The following CYP2C19 variants were observed in gnomAD, a reference collection of about 807,000 sequenced individuals.
The protein encoded by CYP2C19 is cytochrome P450 family 2 subfamily C member 19.
CYP2C19 carries 59 observed loss-of-function variants against 40.9 expected under a neutral mutation model. The observed-to-expected ratio is 1.44, with a 90% CI of 1.17 to 1.79. CYP2C19 has a LOEUF of 1.79. CYP2C19 is among the 40% of genes most tolerant of loss of function. The pLI is 0.00. For missense variants in CYP2C19, 754 were observed against 596.9 expected, an observed-to-expected ratio of 1.26 and a Z score of -2.74; for synonymous variants, 253 against 208.7, an observed-to-expected ratio of 1.21 and a Z score of -1.83.
chr10:94,838,632 T>C (rs575308639), intron 6 of CYP2C19, among the ~76,000 whole-genome samples: 29 of 152,222 alleles, frequency 1.9e-4, no homozygotes, highest in Non-Finnish European at 3.4e-4. Flanking sequence ...TATCTATCTC[T>C]TTTTGGACGG....
intron 5 of CYP2C19, among the ~76,000 whole-genome samples, chr10:94,819,465 AG>A (rs1849075685): frequency 1.5e-5 from 1 of 67,576 alleles, no homozygotes; most frequent in Non-Finnish European, 2.7e-5. Flanking sequence ...GTTTTTTGAA[AG>A]GATCAACAAA....
At chr10:94,769,004 G>A (rs898209743) in intron 1 of CYP2C19, among the ~76,000 whole-genome samples, 6 of 152,140 alleles carry the variant, frequency 3.9e-5, no homozygotes, top group Non-Finnish European at 8.8e-5. Flanking sequence ...GTTGGCAAAA[G>A]TCGGTGATTC....
intron 1 of CYP2C19, 83 bp downstream of exon 1, chr10:94,762,956 A>G: frequency 1.5e-6 from 2 of 1,378,740 alleles, no homozygotes; most frequent in East Asian, 2.3e-5. Context: ...TAGAGGTACA[A>G]TGTTACAAGA....
chr10:94,780,742 C>A lies in CYP2C19; in HGVS notation c.642+83C>A, dbSNP rs928523662. ...TCCAAAATTCTATATTGACCAAGCC[C>A]TGAAGTACATTTTTGAATACTACAG... is the stretch of plus-strand genomic sequence containing the variant. On this transcript the variant is annotated intron_variant, in intron 4 of 8. Coordinates refer to ENST00000371321, the MANE Select transcript of CYP2C19 (RefSeq NM_000769.4). 4 of 1,487,482 alleles carry A rather than the reference C, an allele frequency of 2.7e-6. No individual in the cohort carries two copies. In the African/African-American group the frequency reaches 5.6e-5, roughly 21 times the overall value. The allele number at this position is 1,487,482 out of a possible 1,614,324, so 92.1% of individuals were successfully genotyped here.
chr10:94,789,986 T>A (rs1053806991), intron 5 of CYP2C19, among the ~76,000 whole-genome samples: 6 of 152,180 alleles, frequency 3.9e-5, no homozygotes, highest in Non-Finnish European at 8.8e-5. Context: ...GCATGGAATG[T>A]TCTTGCATTT....
At chr10:94,816,901 T>C (rs1233643434) in intron 5 of CYP2C19, among the ~76,000 whole-genome samples, 78 of 145,320 alleles carry the variant, frequency 5.4e-4, no homozygotes, top group Admixed American at 4.3e-3. Flanking sequence ...CTACAAAGGA[T>C]ATGAACTCAT....
rs192913870 is a variant in CYP2C19, at chr10:94,805,176, A to T, written c.820-15320A>T. 6.6e-5 allele frequency among the ~76,000 whole-genome samples: 10 copies of T among 152,142 alleles called. No homozygotes were observed. The South Asian group carries it at 8.3e-4, about 13-fold the overall frequency. Reference sequence around the variant, plus strand: ...ATAAGACTTTAGCCTTTCAAAATTTAGTATGCCTTAGCTTTGCAGTTTTCA... The same window carrying T: ...ATAAGACTTTAGCCTTTCAAAATTTTGTATGCCTTAGCTTTGCAGTTTTCA... On this transcript the variant is annotated intron_variant, in intron 5 of 8. Transcript: ENST00000371321.
At chr10:94,830,070 G>C (rs1030842644) in intron 6 of CYP2C19, among the ~76,000 whole-genome samples, 9 of 152,190 alleles carry the variant, frequency 5.9e-5, no homozygotes, top group Admixed American at 2.0e-4. Flanking sequence ...CTGTCAGACA[G>C]GGACATTTAA....
chr10:94,808,298 G>A (rs1848863915), intron 5 of CYP2C19, among the ~76,000 whole-genome samples: 2 of 151,964 alleles, frequency 1.3e-5, no homozygotes, highest in African/African-American at 4.8e-5. Flanking sequence ...GTTTTTAAAT[G>A]TTTCTGGGTA....
At position 94,852,779 on chromosome 10, in the gene CYP2C19, T is replaced by C; in HGVS notation, c.1338T>C (p.Phe446=). The C allele has an allele frequency of 6.2e-7, 1 of 1,614,110 alleles. No homozygotes were observed. Among genetic ancestry groups the C allele is most frequent in the Non-Finnish European group, 8.5e-7 (1 of 1,179,986 alleles). Residue 446 remains phenylalanine, a synonymous_variant, in exon 9 of 9, where the codon TTT becomes TTC. Coordinates refer to ENST00000371321, the MANE Select transcript of CYP2C19 (RefSeq NM_000769.4). ...VGEGLARMEL[F]LFLTFILQNF... ...AGGGCCTGGCCCGCATGGAGCTGTTTTTATTCCTGACCTTCATTTTACAGA... is the reference window on the plus strand; with the variant it reads ...AGGGCCTGGCCCGCATGGAGCTGTTCTTATTCCTGACCTTCATTTTACAGA...
At chr10:94,820,721 A>T in intron 6 of CYP2C19, 84 bp downstream of exon 6, 1 of 1,543,718 alleles carries the variant, frequency 6.5e-7, no homozygotes. Context: ...TGTTTCTCTT[A>T]GAGAAGTTCC....
At chr10:94,824,218 G>T (rs1244100342) in intron 6 of CYP2C19, among the ~76,000 whole-genome samples, 1 of 152,136 alleles carries the variant, frequency 6.6e-6, no homozygotes, top group Non-Finnish European at 1.5e-5. Context: ...CATAAAAATT[G>T]TCATCTAAAT....
rs1003777753 is a variant in CYP2C19, at chr10:94,854,903, C to T, written c.*1989C>T. Among the ~76,000 whole-genome samples, 10 of 152,116 alleles carry T rather than the reference C, an allele frequency of 6.6e-5. No homozygotes were observed. The highest frequency in any genetic ancestry group is 2.4e-4 in the African/African-American group (10 of 41,438). On this transcript the variant is annotated 3_prime_UTR_variant, in exon 9 of 9. Coordinates refer to ENST00000371321, the MANE Select transcript of CYP2C19 (RefSeq NM_000769.4). ...TGGAAAGATACAGATGGAAATTACA[C>T]ATTATACATTTTAAACATTCTTCAT...
intron 6 of CYP2C19, among the ~76,000 whole-genome samples, chr10:94,837,290 G>A (rs1213210918): frequency 6.6e-6 from 1 of 152,202 alleles, no homozygotes; most frequent in African/African-American, 2.4e-5. Context: ...ATCTTTTGGA[G>A]TCCTTGTTGG....
chr10:94,803,840 G>C (rs1848798364), intron 5 of CYP2C19, among the ~76,000 whole-genome samples: 1 of 152,144 alleles, frequency 6.6e-6, no homozygotes, highest in Non-Finnish European at 1.5e-5. Flanking sequence ...GGAAGGGGAG[G>C]GTGGCTCAGG....
At chr10:94,839,615 G>A (rs1361642550) in intron 6 of CYP2C19, among the ~76,000 whole-genome samples, 2 of 152,232 alleles carry the variant, frequency 1.3e-5, no homozygotes, top group African/African-American at 4.8e-5. Flanking sequence ...TTTTGAGTCA[G>A]GATTGAGATA....
chr10:94,778,769 A>T (rs1344495937), intron 3 of CYP2C19, among the ~76,000 whole-genome samples: 1 of 152,176 alleles, frequency 6.6e-6, no homozygotes, highest in Admixed American at 6.5e-5. Context: ...CTGGGTATAT[A>T]CCCAAAGGGC....
chr10:94,817,830 G>T lies in CYP2C19; in HGVS notation c.820-2666G>T, dbSNP rs112061306. Among the ~76,000 whole-genome samples the T allele has an allele frequency of 2.3e-3, 346 of 151,816 alleles. 1 individual carries two copies. Among genetic ancestry groups the T allele is most frequent in the African/African-American group, 7.2e-3 (300 of 41,416 alleles). On this transcript the variant is annotated intron_variant, in intron 5 of 8. Transcript: ENST00000371321. ...AGATCGAGACCATCCTGGCTAAAACGGTGAAACCCCGTCTCTACTAAAAAT... is the reference window on the plus strand; with the variant it reads ...AGATCGAGACCATCCTGGCTAAAACTGTGAAACCCCGTCTCTACTAAAAAT...
At chr10:94,789,417 C>A (rs1368796552) in intron 5 of CYP2C19, among the ~76,000 whole-genome samples, 1 of 151,992 alleles carries the variant, frequency 6.6e-6, no homozygotes, top group Non-Finnish European at 1.5e-5. Context: ...AAAGTCCTTG[C>A]CCATGCCTAT....
Sources: gnomAD v4.1 joint callset for allele counts (sites outside exome capture counted in the v4.1 genomes callset) on GRCh38, gnomAD v4.1.1 for gene constraint, MANE v1.5 for transcripts, NCBI Gene and HGNC (gene_info 2026-07-23, HGNC 2026-07-21) for gene names.